The following MAST3 variants were observed in gnomAD, a reference collection of about 807,000 sequenced individuals.
MAST3 encodes microtubule-associated serine/threonine-protein kinase 3.
In MAST3, 43 loss-of-function variants were observed where a neutral mutation model predicts 127.0. The observed-to-expected ratio is 0.34, with a 90% CI of 0.27 to 0.44. MAST3 has a LOEUF of 0.44. Among genes scored for constraint, MAST3 ranks in the 20% least tolerant of loss-of-function variants. The pLI, the probability that MAST3 is intolerant of heterozygous loss-of-function variation, is 1.00. For synonymous variants in MAST3, 785 were observed against 809.2 expected (o/e 0.97, Z 0.51); for missense variants, 1,390 against 1,919.1 (o/e 0.72, Z 5.15).
At chr19:18,104,590 C>A (rs1297850772) in intron 1 of MAST3, among the ~76,000 whole-genome samples, 1 of 152,110 alleles carries the variant, frequency 6.6e-6, no homozygotes, top group South Asian at 2.1e-4. Context: ...CAGATCACGA[C>A]GTGGGCAGCC....
At chr19:18,109,570 A>G (rs1489697365) in intron 2 of MAST3, among the ~76,000 whole-genome samples, 4 of 152,144 alleles carry the variant, frequency 2.6e-5, no homozygotes, top group Admixed American at 2.6e-4. Flanking sequence ...AGAGTGAGAC[A>G]CAGACACCCC....
Position 18,144,998 on chromosome 19 carries a change from T to G in MAST3, c.2813-5T>G. On this transcript the variant is annotated splice_region_variant and splice_polypyrimidine_tract_variant and intron_variant, in intron 23 of 27. Transcript: ENST00000687212. This position sits in a 1 kb window ranked among gnomAD's most constrained non-coding sequence, Gnocchi z 4.0. ...GTGAGTGACCCCCTCCCTAACCCCC[T>G]GCAGATGATGGCAGCGGCGGCCCCC... 7.4e-7 allele frequency: 1 copy of G among 1,353,266 alleles called. No individual in the cohort carries two copies. The highest frequency in any genetic ancestry group is 1.0e-6 in the Non-Finnish European group (1 of 952,430). The allele number at this position is 1,353,266 out of a possible 1,614,324, so 83.8% of individuals were successfully genotyped here. A position where few individuals can be genotyped will look rare whatever the true frequency, so the allele number is the denominator to read the frequency against.
chr19:18,119,562 G>C (rs956848891), intron 3 of MAST3, among the ~76,000 whole-genome samples: 1 of 152,242 alleles, frequency 6.6e-6, no homozygotes, highest in Non-Finnish European at 1.5e-5. Flanking sequence ...GGAATTGGCA[G>C]ATGTTGGGGA....
chr19:18,102,328 C>CG (rs2037708724), intron 1 of MAST3, among the ~76,000 whole-genome samples: 1 of 151,750 alleles, frequency 6.6e-6, no homozygotes, highest in South Asian at 2.1e-4. Context: ...TACAGGCATG[C>CG]GCCACCACAT....
chr19:18,139,090 C>A lies in MAST3; in HGVS notation c.2171C>A (p.Pro724His). ...TNDEESSTEI[P>H]QFSSCSHRFS... ...GATGAAGAATCGTCCACAGAGATCC[C>A]CCAGTTCTCCTCCTGCTCCCACCGG... The change falls in exon 20 of 28, where the codon CCC becomes CAC. Residue 724 changes from proline to histidine, a missense_variant. By Grantham distance (77) the Pro-to-His change is moderately conservative. Coordinates refer to ENST00000687212, the MANE Select transcript of MAST3 (RefSeq NM_001393504.1). 6.2e-7 allele frequency: 1 copy of A among 1,604,244 alleles called. No homozygotes were observed.
intron 1 of MAST3, among the ~76,000 whole-genome samples, chr19:18,098,454 C>T (rs1262129288): frequency 5.3e-5 from 8 of 152,130 alleles, no homozygotes; most frequent in Non-Finnish European, 1.2e-4. Context: ...ACCCTTGCTT[C>T]TCTGGGCCTC....
At chr19:18,147,651 C>G (rs2043168382) in intron 27 of MAST3, 27 bp downstream of exon 27, 5 of 1,467,430 alleles carry the variant, frequency 3.4e-6, no homozygotes, top group Non-Finnish European at 4.6e-6. Context: ...CCCCCACCAC[C>G]CCGGCTACCC....
Position 18,135,763 on chromosome 19 carries a change from G to A in MAST3, c.1894G>A (p.Asp632Asn), listed in dbSNP as rs769826873. The change falls in exon 18 of 28, where the codon GAT becomes AAT. Residue 632 changes from aspartate (D) to asparagine (N), a missense_variant. Physicochemically the swap from Asp to Asn is conservative, Grantham distance 23. Around this residue, in one of 5 missense-constraint regions of MAST3, gnomAD observed 191 missense variants for 409.0 expected, o/e 0.47. Coordinates refer to ENST00000687212, the MANE Select transcript of MAST3 (RefSeq NM_001393504.1). ...AGATGAGATCATGTGGCCAGAGGGA[G>A]ATGAGGCCCTTCCAGCAGACGCCCA... ...VSDEIMWPEG[D>N]EALPADAQDL... The A allele has an allele frequency of 1.2e-6, 2 of 1,612,204 alleles. No homozygotes were observed. The highest frequency in any genetic ancestry group is 1.7e-6 in the Non-Finnish European group (2 of 1,179,168).
Position 18,149,320 on chromosome 19 carries a change from C to G in MAST3, c.3638C>G (p.Thr1213Ser), listed in dbSNP as rs747219315. 6 of 1,528,058 alleles carry G rather than the reference C, an allele frequency of 3.9e-6. No homozygotes were observed. The highest frequency in any genetic ancestry group is 5.3e-6 in the Non-Finnish European group (6 of 1,139,192). 94.7% of individuals were successfully genotyped at this position (1,528,058 alleles called of 1,614,324 possible). ...AAKLGPPRPK[T>S]GRRKSTSSIP... The stretch of plus-strand genomic sequence containing the variant: ...AAGCTTGGGCCACCCCGCCCCAAGA[C>G]TGGCCGCCGCAAGTCCACCAGCAGC... Residue 1213 changes from threonine (T) to serine (S), a missense_variant, in exon 28 of 28, where the codon ACT (threonine) becomes AGT (serine). By Grantham distance (58) the Thr-to-Ser change is moderately conservative (BLOSUM62 1). This residue lies in a region of MAST3 where 816 missense variants were observed against 934.1 expected (regional missense o/e 0.87). Transcript: ENST00000687212. This position sits in a 1 kb window ranked among gnomAD's most constrained non-coding sequence, Gnocchi z 5.9.
Position 18,116,300 on chromosome 19 carries a change from T to A in MAST3, c.162-5385T>A, listed in dbSNP as rs967494778. ...TATTTCTTTTATTTTTTATTTTTTT[T>A]TATTTTTTTGAGACAGAGTTTCGCT... On this transcript the variant is annotated intron_variant, in intron 3 of 27. Transcript: ENST00000687212. Among the ~76,000 whole-genome samples, 3 of 151,170 alleles carry A rather than the reference T, an allele frequency of 2.0e-5. No individual in the cohort carries two copies. The East Asian group carries it at 5.9e-4, about 30-fold the overall frequency.
chr19:18,097,920 G>T (rs1212731352), intron 1 of MAST3, 89 bp downstream of exon 1: 2 of 1,050,140 alleles, frequency 1.9e-6, no homozygotes, highest in African/African-American at 1.6e-5. Flanking sequence ...GGGCCTTCAC[G>T]GGCTGTAGGG....
chr19:18,123,302 G>A lies in MAST3; in HGVS notation c.485G>A (p.Arg162His), dbSNP rs1281007142. 27 of 1,613,680 alleles carry A rather than the reference G, an allele frequency of 1.7e-5. No homozygotes were observed. The highest frequency in any genetic ancestry group is 1.9e-5 in the Non-Finnish European group (22 of 1,179,892). ...DELHFLSKHF[R>H]SSENVLDEEG... The stretch of plus-strand genomic sequence containing the variant: ...CTGCACTTCCTGTCCAAGCACTTCC[G>A]CAGCTCAGAGAATGTGCTTGATGAG... Residue 162 changes from arginine (R) to histidine (H), a missense_variant, in exon 7 of 28, where the codon CGC becomes CAC. Transcript: ENST00000687212.
At chr19:18,141,075 T>C (rs1018577346) in intron 20 of MAST3, among the ~76,000 whole-genome samples, 3 of 152,160 alleles carry the variant, frequency 2.0e-5, no homozygotes, top group Non-Finnish European at 4.4e-5. Context: ...ATTAAAGGCA[T>C]GAACCACCGC....
rs1394471992 is a variant in MAST3 at position 18,137,454 on chromosome 19, G to A, written c.2095+93G>A. 46 of 1,405,622 alleles carry A rather than the reference G, an allele frequency of 3.3e-5. 1 individual carries two copies. Among genetic ancestry groups the A allele is most frequent in the South Asian group, 3.9e-5 (3 of 76,814 alleles). The allele number at this position is 1,405,622 out of a possible 1,614,324, so 87.1% of individuals were successfully genotyped here. ...GGGCTGTGTGCCAGGCATTCCACCCGAGCTTGGCACCTCACCTTAGGCCTG... is the reference window on the plus strand; with the variant it reads ...GGGCTGTGTGCCAGGCATTCCACCCAAGCTTGGCACCTCACCTTAGGCCTG... On this transcript the variant is annotated intron_variant, in intron 19 of 27. Coordinates refer to ENST00000687212, the MANE Select transcript of MAST3 (RefSeq NM_001393504.1).
At chr19:18,124,189 G>A (rs774573030) in intron 9 of MAST3, 41 bp downstream of exon 9, 1 of 1,592,374 alleles carries the variant, frequency 6.3e-7, no homozygotes, top group Non-Finnish European at 8.5e-7. Flanking sequence ...CATGCAGTGG[G>A]ACGTGGAGTG....
Position 18,137,224 on chromosome 19 carries a change from G to A in MAST3, c.1973-15G>A, listed in dbSNP as rs371103923. ...GAGGTGAGGACCTGCAGGGCTCAGCGGGGCATATCTGCAGGTGGCACCCAC... is the reference window on the plus strand; with the variant it reads ...GAGGTGAGGACCTGCAGGGCTCAGCAGGGCATATCTGCAGGTGGCACCCAC... On this transcript the variant is annotated splice_polypyrimidine_tract_variant and intron_variant, in intron 18 of 27. Transcript: ENST00000687212. 7.2e-5 allele frequency: 116 copies of A among 1,606,680 alleles called. No individual in the cohort carries two copies. The highest frequency in any genetic ancestry group is 1.7e-4 in the Middle Eastern group (1 of 6,032).
chr19:18,145,964 C>T lies in MAST3; in HGVS notation c.3162+99C>T, dbSNP rs1438766502. The stretch of plus-strand genomic sequence containing the variant: ...CTCCGCGTCCAGACACACAACCCCA[C>T]ATTCAATGTCAACTCCAGGCCTGGC... On this transcript the variant is annotated intron_variant, in intron 25 of 27. Transcript: ENST00000687212. This position sits in a 1 kb window ranked among gnomAD's most constrained non-coding sequence, Gnocchi z 5.9. 7.2e-7 allele frequency: 1 copy of T among 1,380,570 alleles called. No homozygotes were observed. The highest frequency in any genetic ancestry group is 9.6e-7 in the Non-Finnish European group (1 of 1,044,740). 85.5% of individuals were successfully genotyped at this position (1,380,570 alleles called of 1,614,324 possible).
intron 3 of MAST3, among the ~76,000 whole-genome samples, chr19:18,111,769 A>G (rs943106429): frequency 9.2e-5 from 14 of 152,184 alleles, no homozygotes; most frequent in African/African-American, 3.4e-4. Context: ...CCTCTGCCTC[A>G]GCCTCCCCAA....
intron 1 of MAST3, among the ~76,000 whole-genome samples, chr19:18,099,533 T>C (rs1568540252): frequency 6.6e-6 from 1 of 152,134 alleles, no homozygotes; most frequent in South Asian, 2.1e-4. Flanking sequence ...TGATGGTAAG[T>C]TCTATGTTAC....
Sources: gnomAD v4.1 joint callset for allele counts (sites outside exome capture counted in the v4.1 genomes callset) on GRCh38, gnomAD v4.1.1 for gene constraint, gnomAD v4.1.1 regional missense constraint, Gnocchi (gnomAD v3.1) non-coding constraint, MANE v1.5 for transcripts, NCBI Gene and HGNC (gene_info 2026-07-23, HGNC 2026-07-21) for gene names.